The following PACSIN1 variants were observed in gnomAD, a reference collection of about 807,000 sequenced individuals.
PACSIN1 encodes protein kinase C and casein kinase substrate in neurons 1.
PACSIN1 carries 15 observed loss-of-function variants against 59.5 expected under a neutral mutation model. That is an observed-to-expected ratio of 0.25 (90% CI 0.17 to 0.39). The LOEUF (loss-of-function observed/expected upper bound fraction) is 0.39, where lower values mean the gene tolerates loss of function less well. Among genes scored for constraint, PACSIN1 ranks in the 10% least tolerant of loss-of-function variants. The probability of loss-of-function intolerance (pLI) is 1.00; values close to 1 mark genes in which losing one functional copy is unlikely to be tolerated. For synonymous variants in PACSIN1, 210 were observed against 220.6 expected (o/e 0.95, Z 0.42); for missense variants, 420 against 580.2 (o/e 0.72, Z 2.84).
intron 1 of PACSIN1, among the ~76,000 whole-genome samples, chr6:34,520,673 T>C (rs1406798994): frequency 6.6e-6 from 1 of 152,176 alleles, no homozygotes; most frequent in East Asian, 1.9e-4. Flanking sequence ...AAAATGGTTG[T>C]GTTGTTGATG....
At chr6:34,472,227 G>A (rs559143522) in intron 1 of PACSIN1, among the ~76,000 whole-genome samples, 9 of 143,544 alleles carry the variant, frequency 6.3e-5, no homozygotes, top group African/African-American at 1.3e-4. Flanking sequence ...AGCCGAGATC[G>A]GGCCACTGCA....
At position 34,497,570 on chromosome 6, in the gene PACSIN1, G is replaced by A. The variant is rs539406729; in HGVS notation, c.-63-28673G>A. ...CTTGGAATCCCCTCCAAGGGTGTGC[G>A]TGCCCCAGCCCTGCCCCCAGGCAGC... On this transcript the variant is annotated intron_variant, in intron 1 of 9. Transcript: ENST00000244458. 1.6e-4 allele frequency among the ~76,000 whole-genome samples: 24 copies of A among 152,250 alleles called. No homozygotes were observed. The East Asian group carries it at 4.5e-3, about 28-fold the overall frequency.
At chr6:34,474,891 T>C (rs1766618000) in intron 1 of PACSIN1, among the ~76,000 whole-genome samples, 1 of 151,188 alleles carries the variant, frequency 6.6e-6, no homozygotes, top group Admixed American at 6.6e-5. Flanking sequence ...CTAGCCTCAC[T>C]GATCCCCAGG....
intron 1 of PACSIN1, among the ~76,000 whole-genome samples, chr6:34,475,910 T>C (rs148817846): frequency 2.0e-3 from 308 of 152,336 alleles, no homozygotes; most frequent in African/African-American, 7.1e-3. Flanking sequence ...AGGAAGGGGT[T>C]AGATTTAAGC....
chr6:34,532,343 G>C lies in PACSIN1; in HGVS notation c.1226-78G>C, dbSNP rs1454221675. ...TGCAGTAATCAGGAGGTGGGTATTG[G>C]AGGGTTCCCCTAGCAGCCGGTGCGT... On this transcript the variant is annotated intron_variant, in intron 9 of 9. Transcript: ENST00000244458. The surrounding 1 kb of genome is among the most constrained non-coding windows in gnomAD (Gnocchi z 5.2). 1.0e-6 allele frequency: 1 copy of C among 975,118 alleles called. No individual in the cohort carries two copies. Among genetic ancestry groups the C allele is most frequent in the Admixed American group, 2.1e-5 (1 of 47,932 alleles). 60.4% of individuals were successfully genotyped at this position (975,118 alleles called of 1,614,324 possible).
At chr6:34,509,540 T>C (rs1425159229) in intron 1 of PACSIN1, among the ~76,000 whole-genome samples, 1 of 152,204 alleles carries the variant, frequency 6.6e-6, no homozygotes, top group East Asian at 1.9e-4. Context: ...ATTTTTTGGC[T>C]ATTTTGGGGA....
At chr6:34,480,419 G>A (rs138278928) in intron 1 of PACSIN1, among the ~76,000 whole-genome samples, 7 of 149,492 alleles carry the variant, frequency 4.7e-5, no homozygotes, top group African/African-American at 1.2e-4. Flanking sequence ...GAGATGGGGC[G>A]CTCCCTATTT....
At chr6:34,528,915 G>GGCCGGGGGGGGGGGGGGGGGGGC in intron 4 of PACSIN1, 38 bp downstream of exon 4, 1 of 653,170 alleles carries the variant, frequency 1.5e-6, no homozygotes, top group Non-Finnish European at 2.7e-6. Context: ...GGTGGGGTGG[G>GGCCGGGGGGGGGGGGGGGGGGGC]CCCGTCTGAT....
rs1367204646 is a variant in PACSIN1, at chr6:34,488,505, C to T, written c.-64+22235C>T. Among the ~76,000 whole-genome samples the T allele has an allele frequency of 6.6e-6, 1 of 152,136 alleles. No individual in the cohort carries two copies. The highest frequency in any genetic ancestry group is 2.4e-5 in the African/African-American group (1 of 41,408). On this transcript the variant is annotated intron_variant, in intron 1 of 9. Transcript: ENST00000244458. The surrounding 1 kb of genome is among the most constrained non-coding windows in gnomAD (Gnocchi z 4.7). ...CTGTCTCTTGGTGGAACTATTTCCC[C>T]TTTGGGAACCAGGATTTCTAAACTT...
intron 1 of PACSIN1, among the ~76,000 whole-genome samples, chr6:34,523,292 A>T (rs1410532364): frequency 6.6e-6 from 1 of 152,134 alleles, no homozygotes; most frequent in East Asian, 1.9e-4. Flanking sequence ...GATAGCCTTA[A>T]ATCATAAGAT....
chr6:34,514,518 C>A lies in PACSIN1; in HGVS notation c.-63-11725C>A, dbSNP rs1767254301. Among the ~76,000 whole-genome samples the A allele has an allele frequency of 6.6e-6, 1 of 152,028 alleles. No homozygotes were observed. The highest frequency in any genetic ancestry group is 2.4e-5 in the African/African-American group (1 of 41,378). On this transcript the variant is annotated intron_variant, in intron 1 of 9. Transcript: ENST00000244458. This position sits in a 1 kb window ranked among gnomAD's most constrained non-coding sequence, Gnocchi z 4.4. ...GCAGCAAGCGCTTAGATTTTAAGGA[C>A]CCAAGCAAAGTGCATGGAAAGGTGC...
In PACSIN1 at chr6:34,515,847, C is replaced by A. The variant is rs966407439; in HGVS notation, c.-63-10396C>A. Among the ~76,000 whole-genome samples the A allele has an allele frequency of 6.6e-6, 1 of 152,140 alleles. No individual in the cohort carries two copies. Among genetic ancestry groups the A allele is most frequent in the Non-Finnish European group, 1.5e-5 (1 of 68,016 alleles). ...GACAGACTCGCTGCTGCTGGGGGAG[C>A]TCTTGGGCACTGCCACTGCGGAGGA... On this transcript the variant is annotated intron_variant, in intron 1 of 9. Transcript: ENST00000244458. The surrounding 1 kb of genome is among the most constrained non-coding windows in gnomAD (Gnocchi z 4.4).
Position 34,516,034 on chromosome 6 carries a change from G to C in PACSIN1, c.-63-10209G>C, listed in dbSNP as rs986508775. On this transcript the variant is annotated intron_variant, in intron 1 of 9. Coordinates refer to ENST00000244458, the MANE Select transcript of PACSIN1 (RefSeq NM_020804.5). This position sits in a 1 kb window ranked among gnomAD's most constrained non-coding sequence, Gnocchi z 5.4. ...CCCTGAATGGAGCTGAGCCACCTTG[G>C]GTGGCATAGGGAGGAGATGCTAGCC... Among the ~76,000 whole-genome samples the C allele has an allele frequency of 6.6e-6, 1 of 152,154 alleles. No individual in the cohort carries two copies. Among genetic ancestry groups the C allele is most frequent in the Non-Finnish European group, 1.5e-5 (1 of 68,016 alleles).
intron 1 of PACSIN1, among the ~76,000 whole-genome samples, chr6:34,480,289 A>G (rs2127244360): frequency 6.8e-6 from 1 of 146,400 alleles, no homozygotes; most frequent in African/African-American, 2.5e-5. Flanking sequence ...CAGTAGTACC[A>G]TCACGGCTCA....
intron 1 of PACSIN1, among the ~76,000 whole-genome samples, chr6:34,509,380 G>T (rs1767165111): frequency 6.6e-6 from 1 of 152,084 alleles, no homozygotes; most frequent in Admixed American, 6.6e-5. Flanking sequence ...CCATTGGTCT[G>T]TATGTCTTTA....
In PACSIN1 at chr6:34,531,978, G is replaced by A. The variant is rs1049205845; in HGVS notation, c.1225+191G>A. ...TGGGGCAGGGGTGGTGCCTGAAAGA[G>A]AGGCTTGGGCCTGCATTGGGTGTGT... On this transcript the variant is annotated intron_variant, in intron 9 of 9. Coordinates refer to ENST00000244458, the MANE Select transcript of PACSIN1 (RefSeq NM_020804.5). The surrounding 1 kb of genome is among the most constrained non-coding windows in gnomAD (Gnocchi z 4.4). Among the ~76,000 whole-genome samples, 2 of 152,064 alleles carry A rather than the reference G, an allele frequency of 1.3e-5. No homozygotes were observed. The highest frequency in any genetic ancestry group is 2.4e-5 in the African/African-American group (1 of 41,390).
chr6:34,513,803 C>T (rs1473876823), intron 1 of PACSIN1, among the ~76,000 whole-genome samples: 1 of 152,086 alleles, frequency 6.6e-6, no homozygotes. Context: ...CTGCTGAGAT[C>T]AGATTAGTGC....
chr6:34,510,931 G>A (rs954449201), intron 1 of PACSIN1, among the ~76,000 whole-genome samples: 1 of 152,056 alleles, frequency 6.6e-6, no homozygotes, highest in Non-Finnish European at 1.5e-5. Context: ...CAGGCTGGTC[G>A]CGAACTCCTG....
chr6:34,505,998 T>G (rs867524206), intron 1 of PACSIN1, among the ~76,000 whole-genome samples: 73 of 152,078 alleles, frequency 4.8e-4, no homozygotes, highest in African/African-American at 1.6e-3. Flanking sequence ...ATTCTATCAG[T>G]TTGGTTCTTC....
Sources: allele counts gnomAD v4.1 joint callset (sites outside exome capture counted in the v4.1 genomes callset), GRCh38; gene constraint gnomAD v4.1.1; non-coding constraint Gnocchi (gnomAD v3.1); transcripts MANE v1.5; gene names NCBI Gene and HGNC (gene_info 2026-07-23, HGNC 2026-07-21).